Variants in OR51B2 observed in about 807,000 individuals in gnomAD.
OR51B2 encodes the protein olfactory receptor 51B2.
For synonymous variants in OR51B2, 158 were observed against 135.3 expected, an observed-to-expected ratio of 1.17 and a Z score of -1.16; for missense variants, 463 against 380.1, an observed-to-expected ratio of 1.22 and a Z score of -1.81.
Position 5,323,392 on chromosome 11 carries a change from G to A in OR51B2, c.906C>T (p.Ile302=). Residue 302 remains isoleucine, a synonymous_variant, in exon 1 of 1, where the codon ATC becomes ATT. Coordinates refer to ENST00000624187, the MANE Select transcript of OR51B2 (RefSeq NM_033180.5). The part of the protein sequence containing the change: ...IKTKQIQYGI[I]RLLSKHRFSS ...TAAACCTATGTTTAGATAAAAGGCGGATAATGCCATATTGTATTTGCTTGG... is the reference window on the plus strand; with the variant it reads ...TAAACCTATGTTTAGATAAAAGGCGAATAATGCCATATTGTATTTGCTTGG... 1.2e-6 allele frequency: 2 copies of A among 1,612,932 alleles called. No homozygotes were observed. The highest frequency in any genetic ancestry group is 1.3e-5 in the African/African-American group (1 of 75,022).
At position 5,324,104 on chromosome 11, in the gene OR51B2, G is replaced by T. The variant is rs759658992; in HGVS notation, c.194C>A (p.Ala65Glu). 3.7e-6 allele frequency: 6 copies of T among 1,613,818 alleles called. No individual in the cohort carries two copies. The highest frequency in any genetic ancestry group is 4.2e-6 in the Non-Finnish European group (5 of 1,179,932). ...EPMYYFLTMLAGTDLMVTLTT... is the reference protein window; with the variant it reads ...EPMYYFLTMLEGTDLMVTLTT... ...CAATGTCACCATGAGGTCTGTGCCT[G>T]CCAGCATGGTGAGGAAGTAGTACAT... The change falls in exon 1 of 1, where the codon GCA becomes GAA. Residue 65 changes from alanine to glutamate, a missense_variant. Transcript: ENST00000624187.
In OR51B2 at chr11:5,323,400, C is replaced by T. The variant is rs377486079; in HGVS notation, c.898G>A (p.Gly300Ser). ...TGTTTAGATAAAAGGCGGATAATGC[C>T]ATATTGTATTTGCTTGGTTTTGATG... is the stretch of plus-strand genomic sequence containing the variant. Reference protein sequence around the residue: ...YSIKTKQIQYGIIRLLSKHRF... With the variant: ...YSIKTKQIQYSIIRLLSKHRF... Residue 300 changes from glycine (G) to serine (S), a missense_variant, in exon 1 of 1, where the codon GGC (glycine) becomes AGC (serine). Physicochemically the swap from Gly to Ser is moderately conservative, Grantham distance 56. Coordinates refer to ENST00000624187, the MANE Select transcript of OR51B2 (RefSeq NM_033180.5). The T allele has an allele frequency of 6.2e-7, 1 of 1,613,336 alleles. No individual in the cohort carries two copies. The highest frequency in any genetic ancestry group is 2.2e-5 in the East Asian group (1 of 44,856).
Position 5,323,622 on chromosome 11 carries a change from T to A in OR51B2, c.676A>T (p.Ile226Phe), listed in dbSNP as rs371761737. 1.1e-5 allele frequency: 18 copies of A among 1,612,114 alleles called. No individual in the cohort carries two copies. Among genetic ancestry groups the A allele is most frequent in the Non-Finnish European group, 1.4e-5 (17 of 1,178,396 alleles). ...YILILNTVIG[I>F]ASGEERAKAL... ...TTGGCTCTCTCTTCACCAGAAGCAA[T>A]GCCTATGACAGTATTAAGAATTAGA... The change falls in exon 1 of 1, where the codon ATT becomes TTT. Residue 226 changes from isoleucine to phenylalanine, a missense_variant. Ile to Phe is a conservative substitution (Grantham distance 21). Transcript: ENST00000624187.
In OR51B2 at chr11:5,324,276, C is replaced by T. The variant is rs1848712039; in HGVS notation, c.22G>A (p.Ala8Thr). Reference sequence around the variant, plus strand: ...GGAAAGCCAGTCAGCAAAAAAGGGGCTGCAGTAATATTGGGCCACATAGTG... The same window carrying T: ...GGAAAGCCAGTCAGCAAAAAAGGGGTTGCAGTAATATTGGGCCACATAGTG... MWPNITA[A>T]PFLLTGFPGL... is the part of the protein sequence containing the mutation. The change falls in exon 1 of 1, where the codon GCC (alanine) becomes ACC (threonine). Residue 8 changes from alanine (A) to threonine (T), a missense_variant. Transcript: ENST00000624187. 1 of 1,612,758 alleles carries T rather than the reference C, an allele frequency of 6.2e-7. No homozygotes were observed. Among genetic ancestry groups the T allele is most frequent in the Non-Finnish European group, 8.5e-7 (1 of 1,179,396 alleles).
rs1478205799 is a variant in OR51B2 at position 5,324,121 on chromosome 11, G to A, written c.177C>T (p.Tyr59=). ...CTGTGCCTGCCAGCATGGTGAGGAA[G>A]TAGTACATGGGCTCATGAAGACTGT... The part of the protein sequence containing the change: ...HDHSLHEPMY[Y]FLTMLAGTDL... Residue 59 remains tyrosine, a synonymous_variant, in exon 1 of 1, where the codon TAC becomes TAT. Coordinates refer to ENST00000624187, the MANE Select transcript of OR51B2 (RefSeq NM_033180.5). 7 of 1,613,878 alleles carry A rather than the reference G, an allele frequency of 4.3e-6. No individual in the cohort carries two copies. Among genetic ancestry groups the A allele is most frequent in the Admixed American group, 1.7e-5 (1 of 59,994 alleles).
At position 5,324,208 on chromosome 11, in the gene OR51B2, A is replaced by T. The variant is rs754106494; in HGVS notation, c.90T>A (p.Phe30Leu). Residue 30 changes from phenylalanine to leucine, a missense_variant, in exon 1 of 1, where the codon TTT becomes TTA. By Grantham distance (22) the Phe-to-Leu change is conservative. Coordinates refer to ENST00000624187, the MANE Select transcript of OR51B2 (RefSeq NM_033180.5). The stretch of plus-strand genomic sequence containing the variant: ...CCAGAAGGATGCACACATAAACAGC[A>T]AAGAAGGGGATGGAGATCCAGTGAT... ...AAHHWISIPF[F>L]AVYVCILLGN... The T allele has an allele frequency of 1.2e-6, 2 of 1,614,020 alleles. No individual in the cohort carries two copies. The highest frequency in any genetic ancestry group is 1.7e-6 in the Non-Finnish European group (2 of 1,179,930).
Position 5,323,986 on chromosome 11 carries a change from G to A in OR51B2, c.312C>T (p.Ser104=), listed in dbSNP as rs986512316. 3.7e-6 allele frequency: 6 copies of A among 1,613,796 alleles called. No homozygotes were observed. The highest frequency in any genetic ancestry group is 5.1e-6 in the Non-Finnish European group (6 of 1,179,972). ...GGGAACCTGATTCCACAACAGAAAG[G>A]GAGTGAATAAAGTAAGCCTGTAGGA... ...GCFLQAYFIH[S]LSVVESGSLL... The change falls in exon 1 of 1, where the codon TCC becomes TCT. Residue 104 remains serine, a synonymous_variant. Coordinates refer to ENST00000624187, the MANE Select transcript of OR51B2 (RefSeq NM_033180.5).
chr11:5,323,614 A>T lies in OR51B2; in HGVS notation c.684T>A (p.Ser228=). The T allele has an allele frequency of 6.2e-7, 1 of 1,612,840 alleles. No individual in the cohort carries two copies. The highest frequency in any genetic ancestry group is 8.5e-7 in the Non-Finnish European group (1 of 1,178,876). The change falls in exon 1 of 1, where the codon TCT becomes TCA. Residue 228 remains serine (S), a synonymous_variant. Transcript: ENST00000624187. ...TGAGGGCTTTGGCTCTCTCTTCACC[A>T]GAAGCAATGCCTATGACAGTATTAA... is the stretch of plus-strand genomic sequence containing the variant. ...LILNTVIGIA[S]GEERAKALNT...
chr11:5,323,408 A>G lies in OR51B2; in HGVS notation c.890T>C (p.Ile297Thr). The G allele has an allele frequency of 6.2e-7, 1 of 1,613,634 alleles. No homozygotes were observed. The highest frequency in any genetic ancestry group is 8.5e-7 in the Non-Finnish European group (1 of 1,179,668). The stretch of plus-strand genomic sequence containing the variant: ...TAAAAGGCGGATAATGCCATATTGT[A>G]TTTGCTTGGTTTTGATGCTGTAGAT... ...PVIYSIKTKQ[I>T]QYGIIRLLSK... The change falls in exon 1 of 1, where the codon ATA (isoleucine) becomes ACA (threonine). Residue 297 changes from isoleucine (I) to threonine (T), a missense_variant. Coordinates refer to ENST00000624187, the MANE Select transcript of OR51B2 (RefSeq NM_033180.5).
chr11:5,324,147 G>C lies in OR51B2; in HGVS notation c.151C>G (p.His51Asp), dbSNP rs769521745. Residue 51 changes from histidine (H) to aspartate (D), a missense_variant, in exon 1 of 1, where the codon CAC becomes GAC. By Grantham distance (81) the His-to-Asp change is moderately conservative. Transcript: ENST00000624187. ...GMLLYLIKHD[H>D]SLHEPMYYFL... ...TAGTACATGGGCTCATGAAGACTGT[G>C]GTCATGCTTGATGAGGTAGAGGAGC... 3 of 1,613,864 alleles carry C rather than the reference G, an allele frequency of 1.9e-6. No homozygotes were observed. Among genetic ancestry groups the C allele is most frequent in the East Asian group, 2.2e-5 (1 of 44,880 alleles).
chr11:5,323,780 G>A lies in OR51B2; in HGVS notation c.518C>T (p.Thr173Ile), dbSNP rs777666405. 5 of 1,613,870 alleles carry A rather than the reference G, an allele frequency of 3.1e-6. No homozygotes were observed. Among genetic ancestry groups the A allele is most frequent in the South Asian group, 2.2e-5 (2 of 91,064 alleles). Residue 173 changes from threonine (T) to isoleucine (I), a missense_variant, in exon 1 of 1, where the codon ACA becomes ATA. By Grantham distance (89) the Thr-to-Ile change is moderately conservative (BLOSUM62 -1). Coordinates refer to ENST00000624187, the MANE Select transcript of OR51B2 (RefSeq NM_033180.5). ...TTCTTGGTGGAGGCAGAAAGCACGTGTGATAACATGAGATTTGCAATATGA... is the reference window on the plus strand; with the variant it reads ...TTCTTGGTGGAGGCAGAAAGCACGTATGATAACATGAGATTTGCAATATGA... ...SFSYCKSHVI[T>I]RAFCLHQEIM...
rs189784581 is a variant in OR51B2 at position 5,324,049 on chromosome 11, T to G, written c.249A>C (p.Leu83=). 21 of 1,613,814 alleles carry G rather than the reference T, an allele frequency of 1.3e-5. No individual in the cohort carries two copies. In the African/African-American group the frequency reaches 2.5e-4, roughly 19 times the overall value. Reference sequence around the variant, plus strand: ...TGCTAATCTCCCTGTGATTCACCCATAGGATGCCCATTACAGTAGGCATCG... The same window carrying G: ...TGCTAATCTCCCTGTGATTCACCCAGAGGATGCCCATTACAGTAGGCATCG... ...LTTMPTVMGI[L]WVNHREISSV... is the part of the protein sequence containing the mutation. Residue 83 remains leucine (L), a synonymous_variant, in exon 1 of 1, where the codon CTA becomes CTC. Coordinates refer to ENST00000624187, the MANE Select transcript of OR51B2 (RefSeq NM_033180.5).
rs755533292 is a variant in OR51B2 at position 5,323,825 on chromosome 11, A to G, written c.473T>C (p.Ile158Thr). 6.2e-7 allele frequency: 1 copy of G among 1,613,932 alleles called. No homozygotes were observed. The highest frequency in any genetic ancestry group is 8.5e-7 in the Non-Finnish European group (1 of 1,179,990). Residue 158 changes from isoleucine to threonine, a missense_variant, in exon 1 of 1, where the codon ATT becomes ACT. Physicochemically the swap from Ile to Thr is moderately conservative, Grantham distance 89. Transcript: ENST00000624187. ...LRGFVSILPVILRLFSFSYCK... is the reference protein window; with the variant it reads ...LRGFVSILPVTLRLFSFSYCK... ...ATATGAAAATGAAAAAAGACGCAAAATTACAGGCAGGATGGATACAAAACC... is the reference window on the plus strand; with the variant it reads ...ATATGAAAATGAAAAAAGACGCAAAGTTACAGGCAGGATGGATACAAAACC...
Position 5,324,134 on chromosome 11 carries a change from T to A in OR51B2, c.164A>T (p.Glu55Val), listed in dbSNP as rs1445727561. 6.2e-7 allele frequency: 1 copy of A among 1,613,850 alleles called. No individual in the cohort carries two copies. Among genetic ancestry groups the A allele is most frequent in the African/African-American group, 1.3e-5 (1 of 74,870 alleles). Residue 55 changes from glutamate (E) to valine (V), a missense_variant, in exon 1 of 1, where the codon GAG becomes GTG. Glu to Val is a moderately radical substitution (Grantham distance 121). Coordinates refer to ENST00000624187, the MANE Select transcript of OR51B2 (RefSeq NM_033180.5). ...CATGGTGAGGAAGTAGTACATGGGC[T>A]CATGAAGACTGTGGTCATGCTTGAT... The part of the protein sequence containing the change: ...YLIKHDHSLH[E>V]PMYYFLTMLA...
Position 5,323,643 on chromosome 11 carries a change from T to G in OR51B2, c.655A>C (p.Ile219Leu), listed in dbSNP as rs144963209. The G allele has an allele frequency of 2.2e-5, 35 of 1,612,782 alleles. No homozygotes were observed. In the Middle Eastern group the frequency reaches 6.6e-4, roughly 30 times the overall value. Residue 219 changes from isoleucine (I) to leucine (L), a missense_variant, in exon 1 of 1, where the codon ATT becomes CTT. By Grantham distance (5) the Ile-to-Leu change is conservative. Transcript: ENST00000624187. ...GCAATGCCTATGACAGTATTAAGAA[T>G]TAGAATATAGGAGAAGAGGATGATC... ...CLIILFSYIL[I>L]LNTVIGIASG...
rs748841412 is a variant in OR51B2 at position 5,323,403 on chromosome 11, A to T, written c.895T>A (p.Tyr299Asn). The T allele has an allele frequency of 1.2e-5, 19 of 1,613,422 alleles. No homozygotes were observed. Among genetic ancestry groups the T allele is most frequent in the Non-Finnish European group, 1.6e-5 (19 of 1,179,600 alleles). The change falls in exon 1 of 1, where the codon TAT (tyrosine) becomes AAT (asparagine). Residue 299 changes from tyrosine to asparagine, a missense_variant. Coordinates refer to ENST00000624187, the MANE Select transcript of OR51B2 (RefSeq NM_033180.5). ...TTAGATAAAAGGCGGATAATGCCAT[A>T]TTGTATTTGCTTGGTTTTGATGCTG... ...IYSIKTKQIQ[Y>N]GIIRLLSKHR...
At position 5,323,406 on chromosome 11, in the gene OR51B2, G is replaced by C. The variant is rs1848697507; in HGVS notation, c.892C>G (p.Gln298Glu). 4 of 1,613,490 alleles carry C rather than the reference G, an allele frequency of 2.5e-6. No homozygotes were observed. Among genetic ancestry groups the C allele is most frequent in the Non-Finnish European group, 3.4e-6 (4 of 1,179,570 alleles). ...VIYSIKTKQI[Q>E]YGIIRLLSKH... is the part of the protein sequence containing the mutation. Reference sequence around the variant, plus strand: ...GATAAAAGGCGGATAATGCCATATTGTATTTGCTTGGTTTTGATGCTGTAG... The same window carrying C: ...GATAAAAGGCGGATAATGCCATATTCTATTTGCTTGGTTTTGATGCTGTAG... The change falls in exon 1 of 1, where the codon CAA (glutamine) becomes GAA (glutamate). Residue 298 changes from glutamine to glutamate, a missense_variant. Physicochemically the swap from Gln to Glu is conservative, Grantham distance 29. Transcript: ENST00000624187.
In OR51B2 at chr11:5,324,116, A is replaced by C; in HGVS notation, c.182T>G (p.Leu61Arg). ...GAGGTCTGTGCCTGCCAGCATGGTGAGGAAGTAGTACATGGGCTCATGAAG... is the reference window on the plus strand; with the variant it reads ...GAGGTCTGTGCCTGCCAGCATGGTGCGGAAGTAGTACATGGGCTCATGAAG... Reference protein sequence around the residue: ...HSLHEPMYYFLTMLAGTDLMV... With the variant: ...HSLHEPMYYFRTMLAGTDLMV... The change falls in exon 1 of 1, where the codon CTC becomes CGC. Residue 61 changes from leucine to arginine, a missense_variant. Physicochemically the swap from Leu to Arg is moderately radical, Grantham distance 102. Transcript: ENST00000624187. The C allele has an allele frequency of 6.2e-7, 1 of 1,613,988 alleles. No individual in the cohort carries two copies. Among genetic ancestry groups the C allele is most frequent in the Non-Finnish European group, 8.5e-7 (1 of 1,179,922 alleles).
At position 5,324,078 on chromosome 11, in the gene OR51B2, T is replaced by G; in HGVS notation, c.220A>C (p.Thr74Pro). 4 of 1,613,790 alleles carry G rather than the reference T, an allele frequency of 2.5e-6. No individual in the cohort carries two copies. Among genetic ancestry groups the G allele is most frequent in the Non-Finnish European group, 3.4e-6 (4 of 1,179,862 alleles). The change falls in exon 1 of 1, where the codon ACC becomes CCC. Residue 74 changes from threonine to proline, a missense_variant. By Grantham distance (38) the Thr-to-Pro change is conservative. Transcript: ENST00000624187. ...LAGTDLMVTL[T>P]TMPTVMGILW... ...ATGCCCATTACAGTAGGCATCGTGG[T>G]CAATGTCACCATGAGGTCTGTGCCT...
Sources: allele counts gnomAD v4.1 joint callset, GRCh38; gene constraint gnomAD v4.1.1; transcripts MANE v1.5; gene names NCBI Gene and HGNC (gene_info 2026-07-23, HGNC 2026-07-21).